DIP2C: variants seen among roughly 807,000 people sequenced by gnomAD.
DIP2C encodes DIP2 acetate--CoA ligase C (putative).
In DIP2C, 33 loss-of-function variants were observed where a neutral mutation model predicts 192.4. The ratio of observed to expected loss-of-function variants is 0.17; its 90% confidence interval spans 0.13 to 0.23. The LOEUF is 0.23. DIP2C is among the 10% of genes least tolerant of loss of function. The probability of loss-of-function intolerance (pLI) is 1.00; values close to 1 mark genes in which losing one functional copy is unlikely to be tolerated. For synonymous variants in DIP2C, 979 were observed against 864.1 expected (o/e 1.13, Z -2.33); for missense variants, 1,537 against 2,110.1 (o/e 0.73, Z 5.32).
At chr10:518,185 T>TCATG (rs1275639749) in intron 1 of DIP2C, among the ~76,000 whole-genome samples, 1 of 152,190 alleles carries the variant, frequency 6.6e-6, no homozygotes, top group Non-Finnish European at 1.5e-5. Context: ...CACCCCAAGG[T>TCATG]CATGGCCTCT....
In DIP2C at chr10:274,986, C is replaced by G. The variant is rs1954436766; in HGVS notation, c.*2339G>C. ...TTCTCTTGCACAACCAAATTTCAAT[C>G]TCAGTCCACCAACTCTTTTGAGCCT... On this transcript the variant is annotated 3_prime_UTR_variant, in exon 37 of 37. Coordinates refer to ENST00000280886, the MANE Select transcript of DIP2C (RefSeq NM_014974.3). 1.3e-5 allele frequency: 2 copies of G among 152,228 alleles called. No individual in the cohort carries two copies. The highest frequency in any genetic ancestry group is 1.3e-4 in the Admixed American group (2 of 15,288). 9.4% of individuals were successfully genotyped at this position (152,228 alleles called of 1,614,324 possible). A position where few individuals can be genotyped will look rare whatever the true frequency, so the allele number is the denominator to read the frequency against.
intron 31 of DIP2C, among the ~76,000 whole-genome samples, chr10:311,185 G>A (rs529724023): frequency 1.3e-5 from 2 of 152,216 alleles, no homozygotes; most frequent in East Asian, 1.9e-4. Flanking sequence ...CAGCAAAGCC[G>A]CCCCACAGAC....
chr10:492,572 C>T (rs1844523427), intron 1 of DIP2C, among the ~76,000 whole-genome samples: 1 of 152,312 alleles, frequency 6.6e-6, no homozygotes, highest in South Asian at 2.1e-4. Flanking sequence ...CCTAGCGCCC[C>T]GCACTCTGGG....
intron 3 of DIP2C, among the ~76,000 whole-genome samples, chr10:461,460 G>A (rs968449640): frequency 1.3e-5 from 2 of 152,178 alleles, no homozygotes; most frequent in African/African-American, 4.8e-5. Flanking sequence ...CAATGGCAAA[G>A]GGATCAATAC....
chr10:306,958 A>G (rs1396793643), intron 32 of DIP2C, among the ~76,000 whole-genome samples: 1 of 152,160 alleles, frequency 6.6e-6, no homozygotes, highest in African/African-American at 2.4e-5. Flanking sequence ...ATGCAGGCAG[A>G]TCCGTCATGA....
At chr10:364,652 T>G in intron 19 of DIP2C, 70 bp from the exon 20 acceptor site, 1 of 1,517,206 alleles carries the variant, frequency 6.6e-7, no homozygotes, top group Non-Finnish European at 9.0e-7. Context: ...CCGCTACTCC[T>G]GGGAGCACGG....
intron 6 of DIP2C, among the ~76,000 whole-genome samples, chr10:418,567 G>A (rs1330925808): frequency 6.6e-6 from 1 of 152,200 alleles, no homozygotes; most frequent in Non-Finnish European, 1.5e-5. Flanking sequence ...AAGGAAGGAA[G>A]AAGCCCTCGG....
intron 1 of DIP2C, among the ~76,000 whole-genome samples, chr10:576,934 G>C (rs1169622593): frequency 6.6e-6 from 1 of 151,926 alleles, no homozygotes; most frequent in Non-Finnish European, 1.5e-5. Flanking sequence ...AAAAAAATAA[G>C]AGGGCAAGAT....
intron 1 of DIP2C, among the ~76,000 whole-genome samples, chr10:687,704 T>A (rs1244693168): frequency 6.6e-6 from 1 of 152,176 alleles, no homozygotes; most frequent in Non-Finnish European, 1.5e-5. Context: ...AGCAAGACAG[T>A]ATCACTCACC....
intron 22 of DIP2C, among the ~76,000 whole-genome samples, chr10:359,000 G>C (rs1381374002): frequency 6.6e-6 from 1 of 152,122 alleles, no homozygotes; most frequent in African/African-American, 2.4e-5. Context: ...TCAAGTAACA[G>C]GTTTCTAAGC....
chr10:278,759 C>A (rs573904402), intron 36 of DIP2C, among the ~76,000 whole-genome samples: 57 of 152,318 alleles, frequency 3.7e-4, no homozygotes, highest in African/African-American at 1.3e-3. Flanking sequence ...CTGGCAGAAG[C>A]AAAAACCCGG....
intron 1 of DIP2C, among the ~76,000 whole-genome samples, chr10:537,607 C>T (rs1008775247): frequency 2.0e-5 from 3 of 151,598 alleles, no homozygotes; most frequent in Admixed American, 6.6e-5. Flanking sequence ...ACCCAGGACA[C>T]GGGTATCACC....
Position 648,018 on chromosome 10 carries a change from G to A in DIP2C, c.85+41476C>T, listed in dbSNP as rs188883327. Among the ~76,000 whole-genome samples, 97 of 150,220 alleles carry A rather than the reference G, an allele frequency of 6.5e-4. 1 individual carries two copies. Among genetic ancestry groups the A allele is most frequent in the South Asian group, 3.4e-3 (16 of 4,712 alleles). The stretch of plus-strand genomic sequence containing the variant: ...GAGAACAGAGGGAAACTGAGTCCAC[G>A]TCCACATTTGACGGTGGGAGAGAAC... On this transcript the variant is annotated intron_variant, in intron 1 of 36. Transcript: ENST00000280886.
rs147060246 is a variant in DIP2C, at chr10:278,257, C to T, written c.4419-680G>A. 5.5e-3 allele frequency among the ~76,000 whole-genome samples: 837 copies of T among 151,886 alleles called. 6 individuals carry two copies. The highest frequency in any genetic ancestry group is 0.019 in the African/African-American group (805 of 41,404). ...GCTCTGCTGCTGAGGGCCGTGCGTG[C>T]GGAGGCCAAGGGCATGGGTGCCTGC... On this transcript the variant is annotated intron_variant, in intron 36 of 36. Coordinates refer to ENST00000280886, the MANE Select transcript of DIP2C (RefSeq NM_014974.3).
intron 7 of DIP2C, among the ~76,000 whole-genome samples, chr10:414,733 GTGTGTGTACA>G (rs1241526363): frequency 5.1e-5 from 3 of 58,260 alleles, no homozygotes; most frequent in African/African-American, 1.2e-4. Context: ...GTGTGTGTGT[GTGTGTGTACA>G]TATATATATA....
At chr10:398,074 T>C (rs1964135402) in intron 10 of DIP2C, among the ~76,000 whole-genome samples, 1 of 152,204 alleles carries the variant, frequency 6.6e-6, no homozygotes, top group Non-Finnish European at 1.5e-5. Context: ...TCAAAATATA[T>C]TTCTTTGACA....
At chr10:606,030 G>T (rs560836024) in intron 1 of DIP2C, among the ~76,000 whole-genome samples, 59 of 152,330 alleles carry the variant, frequency 3.9e-4, no homozygotes, top group African/African-American at 1.3e-3. Flanking sequence ...CTCCACGCCG[G>T]GGTCCGACTG....
chr10:481,787 C>T (rs140292582), intron 2 of DIP2C, among the ~76,000 whole-genome samples: 33 of 152,296 alleles, frequency 2.2e-4, no homozygotes, highest in African/African-American at 7.5e-4. Context: ...CCTCGTACCA[C>T]GGTAGGGACG....
intron 25 of DIP2C, among the ~76,000 whole-genome samples, chr10:349,045 G>A (rs956201556): frequency 6.6e-6 from 1 of 152,208 alleles, no homozygotes; most frequent in Non-Finnish European, 1.5e-5. Context: ...TCAAGATTTA[G>A]GTACTATTAA....
Sources: allele counts gnomAD v4.1 joint callset (sites outside exome capture counted in the v4.1 genomes callset), GRCh38; gene constraint gnomAD v4.1.1; transcripts MANE v1.5; gene names NCBI Gene and HGNC (gene_info 2026-07-23, HGNC 2026-07-21).